Variants in ATRN observed in about 807,000 individuals in gnomAD.
ATRN encodes the protein attractin-2.
ATRN carries 54 observed loss-of-function variants against 178.7 expected under a neutral mutation model. The ratio of observed to expected loss-of-function variants is 0.30; its 90% CI spans 0.24 to 0.38. The LOEUF is 0.38. Among genes scored for constraint, ATRN ranks in the 10% least tolerant of loss-of-function variants. ATRN has a pLI of 1.00. For synonymous variants in ATRN, 636 were observed against 663.0 expected (o/e 0.96, Z 0.63); for missense variants, 1,443 against 1,815.1 (o/e 0.79, Z 3.73).
intron 1 of ATRN, among the ~76,000 whole-genome samples, chr20:3,534,313 G>C (rs1266357447): frequency 6.6e-6 from 1 of 151,766 alleles, no homozygotes; most frequent in Non-Finnish European, 1.5e-5. Context: ...ATAGTAGTCA[G>C]AGGTCAGGGT....
chr20:3,534,129 G>C (rs543861889), intron 1 of ATRN, among the ~76,000 whole-genome samples: 70 of 152,310 alleles, frequency 4.6e-4, no homozygotes, highest in Non-Finnish European at 9.3e-4. Flanking sequence ...GAACATCAGG[G>C]AGTTTGCAGG....
intron 1 of ATRN, among the ~76,000 whole-genome samples, chr20:3,472,073 A>G (rs1245561406): frequency 6.6e-6 from 1 of 152,230 alleles, no homozygotes. Context: ...AAGTGAGGAA[A>G]CTAGCCTTTT....
intron 1 of ATRN, among the ~76,000 whole-genome samples, chr20:3,492,969 T>C (rs1369009656): frequency 6.8e-6 from 1 of 146,650 alleles, no homozygotes; most frequent in Non-Finnish European, 1.5e-5. Context: ...TATAATATAC[T>C]ATATAGATAA....
intron 13 of ATRN, 48 bp from the exon 14 acceptor site, chr20:3,576,811 G>A (rs772756631): frequency 2.5e-6 from 4 of 1,602,352 alleles, no homozygotes; most frequent in Non-Finnish European, 3.4e-6. Flanking sequence ...CTCACCATAA[G>A]TTCTCTCTGT....
At position 3,534,623 on chromosome 20, in the gene ATRN, C is replaced by G. The variant is rs2085497994; in HGVS notation, c.411-630C>G. On this transcript the variant is annotated intron_variant, in intron 1 of 28. Transcript: ENST00000262919. ...AAGAGGGAAGAAAAATATCTGGAAACAGCCATGATGAAGGAAATAGCGTCC... is the reference window on the plus strand; with the variant it reads ...AAGAGGGAAGAAAAATATCTGGAAAGAGCCATGATGAAGGAAATAGCGTCC... 2.6e-5 allele frequency among the ~76,000 whole-genome samples: 4 copies of G among 152,094 alleles called. No individual in the cohort carries two copies. In the South Asian group the frequency reaches 8.3e-4, roughly 32 times the overall value.
chr20:3,546,387 C>CTGT (rs1040745783), intron 4 of ATRN, among the ~76,000 whole-genome samples: 1 of 139,042 alleles, frequency 7.2e-6, no homozygotes, highest in Non-Finnish European at 1.5e-5. Context: ...TATAGTTCAA[C>CTGT]TGTTTTTTTT....
At chr20:3,601,804 C>T (rs973838004) in intron 23 of ATRN, among the ~76,000 whole-genome samples, 1 of 147,158 alleles carries the variant, frequency 6.8e-6, no homozygotes, top group African/African-American at 2.5e-5. Flanking sequence ...TTGGAGATTG[C>T]ACTGAGCCAT....
intron 1 of ATRN, among the ~76,000 whole-genome samples, chr20:3,512,723 A>G (rs2085152910): frequency 1.3e-5 from 2 of 152,212 alleles, no homozygotes; most frequent in South Asian, 4.1e-4. Context: ...CAGTCCCACC[A>G]ACAGTATAAA....
intron 1 of ATRN, among the ~76,000 whole-genome samples, chr20:3,514,611 A>T (rs1471341235): frequency 6.6e-6 from 1 of 152,202 alleles, no homozygotes; most frequent in African/African-American, 2.4e-5. Context: ...AGATAATTTT[A>T]AAAAATAGAA....
intron 11 of ATRN, among the ~76,000 whole-genome samples, chr20:3,567,730 T>A (rs2086056136): frequency 6.6e-6 from 1 of 152,148 alleles, no homozygotes; most frequent in South Asian, 2.1e-4. Context: ...ATTGAGGTTT[T>A]GAGGGAGGCA....
chr20:3,479,985 A>T (rs959690922), intron 1 of ATRN, among the ~76,000 whole-genome samples: 1 of 152,218 alleles, frequency 6.6e-6, no homozygotes, highest in Non-Finnish European at 1.5e-5. Context: ...ACAGGGACCC[A>T]GGGTTAGGAC....
At chr20:3,505,298 T>C (rs1243561651) in intron 1 of ATRN, among the ~76,000 whole-genome samples, 2 of 152,168 alleles carry the variant, frequency 1.3e-5, no homozygotes, top group Non-Finnish European at 2.9e-5. Context: ...GCCCTCAGAC[T>C]TCAGGACTAG....
Position 3,540,224 on chromosome 20 carries a change from C to T in ATRN, c.497C>T (p.Pro166Leu). 1 of 1,557,476 alleles carries T rather than the reference C, an allele frequency of 6.4e-7. No individual in the cohort carries two copies. The highest frequency in any genetic ancestry group is 8.7e-7 in the Non-Finnish European group (1 of 1,144,268). The change falls in exon 3 of 29, where the codon CCA becomes CTA. Residue 166 changes from proline to leucine, a missense_variant and splice_region_variant. Coordinates refer to ENST00000262919, the MANE Select transcript of ATRN (RefSeq NM_139321.3). ...TKCTWLIEGQ[P>L]NRIMRLRFNH... ...ATTACTTTTTTTATTCTTTTCAGGC[C>T]AAATAGAATAATGAGACTTCGTTTC... is the stretch of plus-strand genomic sequence containing the variant.
At chr20:3,535,144 AT>A (rs1188733767) in intron 1 of ATRN, 108 bp from the exon 2 acceptor site, 18 of 365,772 alleles carry the variant, frequency 4.9e-5, no homozygotes, top group African/African-American at 3.4e-4. Flanking sequence ...TTTAATTTGT[AT>A]TATATTAAGA....
intron 6 of ATRN, among the ~76,000 whole-genome samples, chr20:3,552,378 T>A (rs2085801359): frequency 6.6e-6 from 1 of 152,074 alleles, no homozygotes; most frequent in African/African-American, 2.4e-5. Flanking sequence ...AGGCATCTTA[T>A]GCTCAGCATG....
Position 3,547,450 on chromosome 20 carries a change from A to G in ATRN, c.904A>G (p.Ser302Gly). 1 of 1,614,154 alleles carries G rather than the reference A, an allele frequency of 6.2e-7. No individual in the cohort carries two copies. Among genetic ancestry groups the G allele is most frequent in the South Asian group, 1.1e-5 (1 of 91,074 alleles). Reference protein sequence around the residue: ...GFPHRGICNSSDVRGCSCFSD... With the variant: ...GFPHRGICNSGDVRGCSCFSD... ...TCCTCATCGAGGCATCTGCAATTCA[A>G]GTGATGTCAGAGGATGCTCCTGCTT... The change falls in exon 5 of 29, where the codon AGT (serine) becomes GGT (glycine). Residue 302 changes from serine to glycine, a missense_variant. Physicochemically the swap from Ser to Gly is moderately conservative, Grantham distance 56. Transcript: ENST00000262919.
chr20:3,600,489 A>G (rs1186667473), intron 22 of ATRN, among the ~76,000 whole-genome samples: 2 of 152,164 alleles, frequency 1.3e-5, no homozygotes, highest in Non-Finnish European at 2.9e-5. Flanking sequence ...TACACTGTAT[A>G]TAATCTATGA....
At chr20:3,490,186 C>T in intron 1 of ATRN, 1 of 1,517,826 alleles carries the variant, frequency 6.6e-7, no homozygotes, top group Non-Finnish European at 9.1e-7. Context: ...GCTTGCTCTT[C>T]TACGGTCCGC....
Position 3,604,095 on chromosome 20 carries a change from C to CT in ATRN, c.3644-6dup, listed in dbSNP as rs766250167. ...AATGTCTCTTCTCTTTCATGTTTTT[C>CT]TTTTAACAGCTGGAACCCAGGCTGG... is the stretch of plus-strand genomic sequence containing the variant. On this transcript the variant is annotated splice_polypyrimidine_tract_variant and intron_variant, in intron 23 of 28. Transcript: ENST00000262919. 6 of 1,564,898 alleles carry CT rather than the reference C, an allele frequency of 3.8e-6. No homozygotes were observed. The highest frequency in any genetic ancestry group is 2.1e-5 in the Admixed American group (1 of 47,432).
Sources: allele counts gnomAD v4.1 joint callset (sites outside exome capture counted in the v4.1 genomes callset), GRCh38; gene constraint gnomAD v4.1.1; transcripts MANE v1.5; gene names NCBI Gene and HGNC (gene_info 2026-07-23, HGNC 2026-07-21).